Variants in KCNMB4 observed in about 807,000 individuals in gnomAD.
The protein encoded by KCNMB4 is potassium calcium-activated channel subfamily M regulatory beta subunit 4, also known as calcium-activated potassium channel subunit beta-4.
Under a neutral mutation model 20.7 loss-of-function variants are expected in KCNMB4, and 3 were observed. The observed-to-expected ratio is 0.14, with a 90% CI of 0.07 to 0.37. The LOEUF is 0.37. Ranked by LOEUF, KCNMB4 falls within the 10% of genes least tolerant of loss-of-function variation. The pLI, the probability that KCNMB4 is intolerant of heterozygous loss-of-function variation, is 1.00. For missense variants in KCNMB4, 168 were observed against 265.9 expected (o/e 0.63, Z 2.56); for synonymous variants, 110 against 113.4 (o/e 0.97, Z 0.19).
chr12:70,416,542 T>C (rs548927641), intron 2 of KCNMB4, among the ~76,000 whole-genome samples: 3 of 152,212 alleles, frequency 2.0e-5, no homozygotes, highest in Admixed American at 6.5e-5. Context: ...ATTGTTGAAC[T>C]GTAAGTCACC....
intron 2 of KCNMB4, chr12:70,422,957 C>A: frequency 1.7e-6 from 1 of 579,578 alleles, no homozygotes; most frequent in Non-Finnish European, 2.3e-6. Flanking sequence ...CTTCACTGGG[C>A]TGCATCTGAA....
chr12:70,425,914 G>A (rs928543132), intron 2 of KCNMB4, among the ~76,000 whole-genome samples: 8 of 152,144 alleles, frequency 5.3e-5, no homozygotes, highest in African/African-American at 9.7e-5. Context: ...CGAGGCAGGC[G>A]GATTGCTTAA....
rs908838246 is a variant in KCNMB4, at chr12:70,431,783, T to C, written c.*1130T>C. The C allele has an allele frequency of 6.6e-6, 1 of 152,152 alleles. No homozygotes were observed. Among genetic ancestry groups the C allele is most frequent in the African/African-American group, 2.4e-5 (1 of 41,430 alleles). The allele number at this position is 152,152 out of a possible 1,614,324, so 9.4% of individuals were successfully genotyped here. ...ATCAAATCGCAGGTCTCAGTGAACA[T>C]CAAACCTATTTACTACATAGAATCA... On this transcript the variant is annotated 3_prime_UTR_variant, in exon 3 of 3. Coordinates refer to ENST00000258111, the MANE Select transcript of KCNMB4 (RefSeq NM_014505.6).
chr12:70,398,328 A>G (rs144585894), intron 1 of KCNMB4, among the ~76,000 whole-genome samples: 1 of 152,110 alleles, frequency 6.6e-6, no homozygotes, highest in Non-Finnish European at 1.5e-5. Context: ...TGCATATTTG[A>G]AAAAATGAAG....
intron 2 of KCNMB4, among the ~76,000 whole-genome samples, chr12:70,426,421 GCTT>G: frequency 6.6e-6 from 1 of 152,236 alleles, no homozygotes; most frequent in South Asian, 2.1e-4. Context: ...TTTACACAAT[GCTT>G]CTTAAACCGA....
chr12:70,392,163 A>T (rs933614796), intron 1 of KCNMB4, among the ~76,000 whole-genome samples: 1 of 152,250 alleles, frequency 6.6e-6, no homozygotes, highest in East Asian at 1.9e-4. Context: ...AATGCCATCA[A>T]TGAAGCCATC....
In KCNMB4 at chr12:70,433,523, T is replaced by C. The variant is rs955044539; in HGVS notation, c.*2870T>C. ...CTTCTGCCCACCGTCCATTCATGAA[T>C]ACTTACTATATAGCTATACCTAGCT... On this transcript the variant is annotated 3_prime_UTR_variant, in exon 3 of 3. Coordinates refer to ENST00000258111, the MANE Select transcript of KCNMB4 (RefSeq NM_014505.6). 6.6e-6 allele frequency: 1 copy of C among 152,244 alleles called. No individual in the cohort carries two copies. The highest frequency in any genetic ancestry group is 1.5e-5 in the Non-Finnish European group (1 of 68,040). The allele number at this position is 152,244 out of a possible 1,614,324, so 9.4% of individuals were successfully genotyped here. A position where few individuals can be genotyped will look rare whatever the true frequency, so the allele number is the denominator to read the frequency against.
intron 2 of KCNMB4, among the ~76,000 whole-genome samples, chr12:70,425,484 G>C (rs758082725): frequency 1.3e-5 from 2 of 152,032 alleles, no homozygotes; most frequent in African/African-American, 4.8e-5. Flanking sequence ...TCGCATCAAG[G>C]CTTTCTAGAT....
At chr12:70,404,835 G>C (rs1868551244) in intron 2 of KCNMB4, among the ~76,000 whole-genome samples, 1 of 152,212 alleles carries the variant, frequency 6.6e-6, no homozygotes, top group Non-Finnish European at 1.5e-5. Flanking sequence ...TTTAAGTTGA[G>C]GAGCAAGAGG....
chr12:70,382,349 C>T (rs1403442025), intron 1 of KCNMB4, among the ~76,000 whole-genome samples: 1 of 144,434 alleles, frequency 6.9e-6, no homozygotes, highest in Non-Finnish European at 1.5e-5. Flanking sequence ...AGGAGAATGG[C>T]GTGAACCCGG....
intron 1 of KCNMB4, among the ~76,000 whole-genome samples, chr12:70,371,196 C>T (rs1160111052): frequency 2.0e-5 from 3 of 152,016 alleles, no homozygotes; most frequent in African/African-American, 7.2e-5. Context: ...TTTCCCCTTC[C>T]TCTAATAATA....
chr12:70,425,461 C>T (rs1002540176), intron 2 of KCNMB4, among the ~76,000 whole-genome samples: 1 of 152,044 alleles, frequency 6.6e-6, no homozygotes, highest in African/African-American at 2.4e-5. Context: ...CAAAACAAAA[C>T]ACTGAATAAT....
chr12:70,421,470 G>GAAAAAAAAAAA (rs61303899), intron 2 of KCNMB4, among the ~76,000 whole-genome samples: 1 of 75,670 alleles, frequency 1.3e-5, no homozygotes, highest in Non-Finnish European at 2.4e-5. Context: ...TCTCAAAAAA[G>GAAAAAAAAAAA]AAAAAAAAAA....
intron 2 of KCNMB4, among the ~76,000 whole-genome samples, chr12:70,405,810 G>T (rs1160220773): frequency 6.6e-6 from 1 of 152,142 alleles, no homozygotes; most frequent in African/African-American, 2.4e-5. Context: ...GATACCTGGG[G>T]TCTCAGCTAG....
At chr12:70,371,191 C>T (rs1883587599) in intron 1 of KCNMB4, among the ~76,000 whole-genome samples, 1 of 151,918 alleles carries the variant, frequency 6.6e-6, no homozygotes, top group Admixed American at 6.6e-5. Flanking sequence ...TTTTTTTTCC[C>T]CTTCCTCTAA....
In KCNMB4 at chr12:70,430,639, C is replaced by T. The variant is rs780176319; in HGVS notation, c.619C>T (p.Arg207Cys). 7 of 1,608,844 alleles carry T rather than the reference C, an allele frequency of 4.4e-6. No individual in the cohort carries two copies. In the East Asian group the frequency reaches 6.7e-5, roughly 15 times the overall value. Residue 207 changes from arginine (R) to cysteine (C), a missense_variant, in exon 3 of 3, where the codon CGC becomes TGC. Physicochemically the swap from Arg to Cys is radical, Grantham distance 180. Coordinates refer to ENST00000258111, the MANE Select transcript of KCNMB4 (RefSeq NM_014505.6). ...LAVKAEAMKK[R>C]KFS Reference sequence around the variant, plus strand: ...GGTCAAGGCGGAAGCCATGAAGAAGCGCAAGTTCTCTTAAAGGGGAAGGAG... The same window carrying T: ...GGTCAAGGCGGAAGCCATGAAGAAGTGCAAGTTCTCTTAAAGGGGAAGGAG...
intron 2 of KCNMB4, among the ~76,000 whole-genome samples, chr12:70,412,460 C>T (rs1868805875): frequency 6.6e-6 from 1 of 152,170 alleles, no homozygotes; most frequent in African/African-American, 2.4e-5. Flanking sequence ...TAGAAATAGG[C>T]ATCTGAATAT....
intron 1 of KCNMB4, among the ~76,000 whole-genome samples, chr12:70,367,817 T>G (rs1883522282): frequency 6.6e-6 from 1 of 150,686 alleles, no homozygotes; most frequent in Non-Finnish European, 1.5e-5. Context: ...GTACCTAATA[T>G]GACTTCTCTG....
chr12:70,414,422 A>G (rs1396442624), intron 2 of KCNMB4, among the ~76,000 whole-genome samples: 3 of 152,126 alleles, frequency 2.0e-5, no homozygotes, highest in African/African-American at 4.8e-5. Flanking sequence ...AGGCTTTAAG[A>G]TCACATGGCT....
Sources: allele counts gnomAD v4.1 joint callset (sites outside exome capture counted in the v4.1 genomes callset), GRCh38; gene constraint gnomAD v4.1.1; transcripts MANE v1.5; gene names NCBI Gene and HGNC (gene_info 2026-07-23, HGNC 2026-07-21).